The following TMEM51 variants were observed in gnomAD, a reference collection of about 807,000 sequenced individuals.
TMEM51 encodes transmembrane protein 51.
In TMEM51, 8 loss-of-function variants were observed where a neutral mutation model predicts 13.6. The ratio of observed to expected loss-of-function variants is 0.59; its 90% CI spans 0.35 to 1.07. The LOEUF is 1.07. Among genes scored for constraint, TMEM51 ranks in the 50% least tolerant of loss-of-function variants. TMEM51 has a pLI of 0.02. For missense variants in TMEM51, 279 were observed against 330.7 expected (o/e 0.84, Z 1.21); for synonymous variants, 147 against 144.4 (o/e 1.02, Z -0.13).
In TMEM51 at chr1:15,183,660, C is replaced by T. The variant is rs574265172; in HGVS notation, c.-266-26830C>T. On this transcript the variant is annotated intron_variant, in intron 1 of 3. Transcript: ENST00000376008. The stretch of plus-strand genomic sequence containing the variant: ...CCTTCTGTGTGTTTGGTGCCATCTG[C>T]CCTGTGTCTGCCTTCATAGAGCTTA... 3.9e-5 allele frequency among the ~76,000 whole-genome samples: 6 copies of T among 152,318 alleles called. No individual in the cohort carries two copies. The East Asian group carries it at 5.8e-4, about 15-fold the overall frequency.
At chr1:15,218,128 G>A (rs1046647391) in intron 3 of TMEM51, among the ~76,000 whole-genome samples, 5 of 152,266 alleles carry the variant, frequency 3.3e-5, no homozygotes, top group African/African-American at 7.2e-5. Flanking sequence ...CGTTAATTCT[G>A]ACAAATGTGT....
rs566969286 is a variant in TMEM51 at position 15,208,784 on chromosome 1, G to A, written c.-266-1706G>A. Among the ~76,000 whole-genome samples, 13 of 152,190 alleles carry A rather than the reference G, an allele frequency of 8.5e-5. No homozygotes were observed. In the East Asian group the frequency reaches 1.9e-3, roughly 23 times the overall value. Reference sequence around the variant, plus strand: ...GAAACCACTGAGGGCTGGTGAGCAGGAGATATGAGCTGTGACAGCAAGACA... The same window carrying A: ...GAAACCACTGAGGGCTGGTGAGCAGAAGATATGAGCTGTGACAGCAAGACA... On this transcript the variant is annotated intron_variant, in intron 1 of 3. Transcript: ENST00000376008.
intron 1 of TMEM51, among the ~76,000 whole-genome samples, chr1:15,174,847 G>T (rs1284278806): frequency 6.6e-6 from 1 of 152,146 alleles, no homozygotes; most frequent in Non-Finnish European, 1.5e-5. Flanking sequence ...GCTCTCTGGA[G>T]TCTCTTTTAT....
chr1:15,154,120 C>T (rs1431857217), intron 1 of TMEM51, among the ~76,000 whole-genome samples, 166 bp downstream of exon 1: 7 of 152,096 alleles, frequency 4.6e-5, no homozygotes, highest in Non-Finnish European at 4.4e-5. Flanking sequence ...CTCCGCACCC[C>T]GCACCCTCTG....
chr1:15,211,103 T>C (rs749621306), intron 2 of TMEM51, among the ~76,000 whole-genome samples: 3 of 152,230 alleles, frequency 2.0e-5, no homozygotes, highest in Admixed American at 2.0e-4. Context: ...AAAATGAAAA[T>C]CATGGTGAAT....
In TMEM51 at chr1:15,191,899, C is replaced by T. The variant is rs1309026779; in HGVS notation, c.-266-18591C>T. ...TTACGTGACCATTTCTCTTTTAGCACGTTGTTTGTTCTCCTTTTCCAGAAG... is the reference window on the plus strand; with the variant it reads ...TTACGTGACCATTTCTCTTTTAGCATGTTGTTTGTTCTCCTTTTCCAGAAG... On this transcript the variant is annotated intron_variant, in intron 1 of 3. Transcript: ENST00000376008. 7 of 527,904 alleles carry T rather than the reference C, an allele frequency of 1.3e-5. No homozygotes were observed. The East Asian group carries it at 2.7e-4, about 20-fold the overall frequency. 32.7% of individuals were successfully genotyped at this position (527,904 alleles called of 1,614,324 possible).
chr1:15,195,441 C>T (rs1471889810), intron 1 of TMEM51, among the ~76,000 whole-genome samples: 1 of 152,060 alleles, frequency 6.6e-6, no homozygotes, highest in East Asian at 1.9e-4. Flanking sequence ...TTGAATAGCA[C>T]ATCCCAATGC....
chr1:15,211,523 C>A (rs1234030560), intron 2 of TMEM51, among the ~76,000 whole-genome samples: 3 of 152,148 alleles, frequency 2.0e-5, no homozygotes, highest in Non-Finnish European at 4.4e-5. Context: ...ATTTATTTAT[C>A]ATAACTCCCC....
intron 1 of TMEM51, among the ~76,000 whole-genome samples, chr1:15,199,218 C>T (rs560031946): frequency 1.5e-4 from 23 of 151,984 alleles, no homozygotes; most frequent in African/African-American, 3.9e-4. Context: ...CTGCAACCTC[C>T]GCCTCCTGGG....
Position 15,215,725 on chromosome 1 carries a change from G to A in TMEM51, c.344+294G>A, listed in dbSNP as rs563628950. ...TGGAATACTATTCAGCCATAAAAAG[G>A]AACAAAATACTGTCTTTTGGGCCAG... is the stretch of plus-strand genomic sequence containing the variant. On this transcript the variant is annotated intron_variant, in intron 3 of 3. Transcript: ENST00000376008. 1.6e-4 allele frequency among the ~76,000 whole-genome samples: 24 copies of A among 152,176 alleles called. No homozygotes were observed. The South Asian group carries it at 5.0e-3, about 32-fold the overall frequency.
rs1644266201 is a variant in TMEM51, at chr1:15,207,255, G to A, written c.-266-3235G>A. 1.3e-5 allele frequency among the ~76,000 whole-genome samples: 2 copies of A among 152,138 alleles called. No homozygotes were observed. The highest frequency in any genetic ancestry group is 2.9e-5 in the Non-Finnish European group (2 of 68,034). ...ACTGGCAAGACCTCCTCCCACTAAA[G>A]CCAGCTGGGCTGGGCGCTTCTGCAA... On this transcript the variant is annotated intron_variant, in intron 1 of 3. Transcript: ENST00000376008. This position sits in a 1 kb window ranked among gnomAD's most constrained non-coding sequence, Gnocchi z 4.6.
At chr1:15,184,441 C>T (rs761297) in intron 1 of TMEM51, among the ~76,000 whole-genome samples, 77,289 of 152,018 alleles carry the variant, frequency 0.51, 20,458 homozygotes, top group East Asian at 0.64. Context: ...GACAGAGTAC[C>T]TTGAAGGCAA....
At chr1:15,213,988 C>T (rs1009350155) in intron 2 of TMEM51, among the ~76,000 whole-genome samples, 2 of 150,296 alleles carry the variant, frequency 1.3e-5, no homozygotes, top group Non-Finnish European at 3.0e-5. Context: ...ATTACTGGCA[C>T]GTGCCACAGC....
intron 1 of TMEM51, among the ~76,000 whole-genome samples, chr1:15,178,915 A>T (rs1481799004): frequency 1.3e-5 from 2 of 152,250 alleles, no homozygotes; most frequent in Non-Finnish European, 2.9e-5. Context: ...TGTTATCTCC[A>T]TGGGCTTTTA....
intron 1 of TMEM51, among the ~76,000 whole-genome samples, chr1:15,184,162 C>T (rs2312328): frequency 0.55 from 83,856 of 151,750 alleles, 24,508 homozygotes; most frequent in East Asian, 0.9. Flanking sequence ...CACAGCCTCC[C>T]GAGTCAGGCG....
At chr1:15,198,757 C>T (rs1211401786) in intron 1 of TMEM51, among the ~76,000 whole-genome samples, 3 of 152,298 alleles carry the variant, frequency 2.0e-5, no homozygotes, top group South Asian at 2.1e-4. Flanking sequence ...CAAATGAAAA[C>T]ATCAGACCAG....
intron 1 of TMEM51, among the ~76,000 whole-genome samples, chr1:15,165,890 A>G (rs1252645161): frequency 1.3e-5 from 2 of 151,410 alleles, no homozygotes; most frequent in Non-Finnish European, 2.9e-5. Flanking sequence ...GTGAGCCGAG[A>G]TTGCGCCACT....
intron 1 of TMEM51, among the ~76,000 whole-genome samples, chr1:15,159,550 T>G (rs1202466122): frequency 6.6e-6 from 1 of 152,218 alleles, no homozygotes; most frequent in Non-Finnish European, 1.5e-5. Context: ...TTCTGGCATT[T>G]CTTTTTTTGT....
intron 1 of TMEM51, among the ~76,000 whole-genome samples, chr1:15,206,242 AAAAAGAG>A (rs1189120538): frequency 1.6e-4 from 24 of 145,516 alleles, no homozygotes; most frequent in Middle Eastern, 3.6e-3. Flanking sequence ...AAAAAAAAAA[AAAAAGAG>A]AGAGAGAAGA....
Sources: gnomAD v4.1 joint callset for allele counts (sites outside exome capture counted in the v4.1 genomes callset) on GRCh38, gnomAD v4.1.1 for gene constraint, Gnocchi (gnomAD v3.1) non-coding constraint, MANE v1.5 for transcripts, NCBI Gene and HGNC (gene_info 2026-07-23, HGNC 2026-07-21) for gene names.